Variants in GXYLT2 observed in about 807,000 individuals in gnomAD.
GXYLT2 encodes the protein glucoside xylosyltransferase 2, also known as glycosyltransferase 8 domain containing 4.
In GXYLT2, 53 loss-of-function variants were observed where a neutral mutation model predicts 45.8. The ratio of observed to expected loss-of-function variants is 1.16; its 90% CI spans 0.93 to 1.46. GXYLT2 has a LOEUF of 1.46. Among genes scored for constraint, GXYLT2 ranks in the 40% most tolerant of loss-of-function variants. GXYLT2 has a pLI of 0.00. For synonymous variants in GXYLT2, 219 were observed against 214.2 expected (o/e 1.02, Z -0.19); for missense variants, 551 against 544.4 (o/e 1.01, Z -0.12).
intron 3 of GXYLT2, among the ~76,000 whole-genome samples, chr3:72,948,061 C>A (rs1231368526): frequency 6.6e-6 from 1 of 152,126 alleles, no homozygotes; most frequent in African/African-American, 2.4e-5. Flanking sequence ...TTCCAACATT[C>A]CTCTTTTAAT....
chr3:72,912,013 A>ATATATATTTTTT (rs1156864738), intron 2 of GXYLT2, among the ~76,000 whole-genome samples: 2 of 114,890 alleles, frequency 1.7e-5, no homozygotes, highest in African/African-American at 7.9e-5. Flanking sequence ...ATATATATAT[A>ATATATATTTTTT]TTTTTTTTTT....
At chr3:72,943,088 T>A (rs1184620585) in intron 3 of GXYLT2, among the ~76,000 whole-genome samples, 1 of 152,022 alleles carries the variant, frequency 6.6e-6, no homozygotes, top group African/African-American at 2.4e-5. Context: ...ACACAGTGGG[T>A]GAAAATCAGC....
chr3:72,903,975 C>T (rs1188438890), intron 1 of GXYLT2, among the ~76,000 whole-genome samples: 1 of 152,204 alleles, frequency 6.6e-6, no homozygotes, highest in Non-Finnish European at 1.5e-5. Context: ...GAGATCTGCC[C>T]TGCCATCATC....
rs1352700430 is a variant in GXYLT2 at position 72,933,676 on chromosome 3, A to G, written c.600+11341A>G. 2.6e-5 allele frequency among the ~76,000 whole-genome samples: 4 copies of G among 152,120 alleles called. No individual in the cohort carries two copies. In the East Asian group the frequency reaches 5.8e-4, roughly 22 times the overall value. On this transcript the variant is annotated intron_variant, in intron 3 of 6. Coordinates refer to ENST00000389617, the MANE Select transcript of GXYLT2 (RefSeq NM_001080393.2). Reference sequence around the variant, plus strand: ...GTAATCCCAACACTTTAGAAGGCCAAGATGGGAAGATGACTTGAGCCCAGG... The same window carrying G: ...GTAATCCCAACACTTTAGAAGGCCAGGATGGGAAGATGACTTGAGCCCAGG...
chr3:72,970,889 GT>G (rs1465261609), intron 6 of GXYLT2, among the ~76,000 whole-genome samples: 1 of 152,148 alleles, frequency 6.6e-6, no homozygotes, highest in African/African-American at 2.4e-5. Flanking sequence ...AATTTCTAGA[GT>G]TGACTTCTGT....
chr3:72,896,862 A>C (rs537463521), intron 1 of GXYLT2, among the ~76,000 whole-genome samples: 113 of 152,206 alleles, frequency 7.4e-4, no homozygotes, highest in African/African-American at 2.6e-3. Context: ...ATTAAAAAAA[A>C]AAAAATGTTT....
intron 1 of GXYLT2, among the ~76,000 whole-genome samples, chr3:72,903,097 G>A (rs1312971835): frequency 6.6e-6 from 1 of 152,176 alleles, no homozygotes; most frequent in East Asian, 1.9e-4. Context: ...TGTTGGTGTT[G>A]TTGAAAAAGC....
rs533113395 is a variant in GXYLT2, at chr3:72,976,726, G to A, written c.*1567G>A. ...AAATGACTATTGCATAGATGATCTT[G>A]ATATTTGCAACAGCCTAGTGGATTT... On this transcript the variant is annotated 3_prime_UTR_variant, in exon 7 of 7. Coordinates refer to ENST00000389617, the MANE Select transcript of GXYLT2 (RefSeq NM_001080393.2). 6.6e-6 allele frequency: 1 copy of A among 152,256 alleles called. No homozygotes were observed. The highest frequency in any genetic ancestry group is 2.4e-5 in the African/African-American group (1 of 41,564). The allele number at this position is 152,256 out of a possible 1,614,324, so 9.4% of individuals were successfully genotyped here.
intron 3 of GXYLT2, among the ~76,000 whole-genome samples, chr3:72,952,005 C>CTT (rs34302153): frequency 1.8e-4 from 24 of 130,988 alleles, no homozygotes; most frequent in Non-Finnish European, 8.2e-5. Flanking sequence ...CCATGCCCAG[C>CTT]TTTTTTTTTT....
chr3:72,972,439 G>A (rs1239984310), intron 6 of GXYLT2, among the ~76,000 whole-genome samples: 3 of 151,730 alleles, frequency 2.0e-5, no homozygotes, highest in Admixed American at 6.6e-5. Flanking sequence ...TCATGAGTTC[G>A]AGACCAGCCT....
intron 1 of GXYLT2, among the ~76,000 whole-genome samples, chr3:72,894,106 A>C (rs1381293009): frequency 6.6e-6 from 1 of 152,234 alleles, no homozygotes; most frequent in Non-Finnish European, 1.5e-5. Context: ...AAGGAAATAA[A>C]TAGCCCCAGC....
chr3:72,965,342 A>AT (rs1710845672), intron 5 of GXYLT2, among the ~76,000 whole-genome samples: 1 of 152,098 alleles, frequency 6.6e-6, no homozygotes, highest in Admixed American at 6.6e-5. Flanking sequence ...CTAAGCAATG[A>AT]TTTTTTTCTG....
intron 2 of GXYLT2, among the ~76,000 whole-genome samples, chr3:72,914,855 A>G (rs1168679451): frequency 6.6e-6 from 1 of 152,108 alleles, no homozygotes; most frequent in Non-Finnish European, 1.5e-5. Flanking sequence ...CTTCTGAGCT[A>G]CCTAACATCC....
intron 6 of GXYLT2, among the ~76,000 whole-genome samples, chr3:72,972,498 G>A (rs1044770766): frequency 3.6e-4 from 55 of 151,844 alleles, no homozygotes; most frequent in African/African-American, 1.1e-3. Context: ...GAAATCAGCC[G>A]GGCGTGGTGG....
At chr3:72,922,975 C>G (rs113044618) in intron 3 of GXYLT2, among the ~76,000 whole-genome samples, 1 of 151,828 alleles carries the variant, frequency 6.6e-6, no homozygotes, top group Non-Finnish European at 1.5e-5. Flanking sequence ...AAAAATTAGG[C>G]GGGGTGTGTT....
chr3:72,909,498 C>G (rs906382430), intron 2 of GXYLT2, among the ~76,000 whole-genome samples: 1 of 152,046 alleles, frequency 6.6e-6, no homozygotes, highest in Non-Finnish European at 1.5e-5. Flanking sequence ...GGATTGTACT[C>G]TGTATATTGT....
At chr3:72,967,740 G>T (rs770072456) in intron 6 of GXYLT2, 21 bp downstream of exon 6, 2 of 1,607,644 alleles carry the variant, frequency 1.2e-6, no homozygotes, top group African/African-American at 2.7e-5. Flanking sequence ...CCTTGCTGCT[G>T]TTAGCAGATG....
intron 3 of GXYLT2, chr3:72,929,485 A>G (rs1049128530): frequency 1.3e-5 from 19 of 1,506,596 alleles, no homozygotes; most frequent in Admixed American, 1.0e-4. Context: ...AAAGCCATCA[A>G]AGAATTGGGT....
intron 1 of GXYLT2, among the ~76,000 whole-genome samples, chr3:72,902,095 A>AT (rs139208572): frequency 0.065 from 9,882 of 152,264 alleles, 588 homozygotes; most frequent in African/African-American, 0.17. Flanking sequence ...GTTGATGGAC[A>AT]TTTAAGTTGG....
Sources: allele counts gnomAD v4.1 joint callset (sites outside exome capture counted in the v4.1 genomes callset), GRCh38; gene constraint gnomAD v4.1.1; transcripts MANE v1.5; gene names NCBI Gene and HGNC (gene_info 2026-07-23, HGNC 2026-07-21).